CALN1: variants seen among roughly 807,000 people sequenced by gnomAD.
CALN1 encodes the protein calcium-binding protein 8.
Under a neutral mutation model 30.6 loss-of-function variants are expected in CALN1, and 17 were observed. The observed-to-expected ratio is 0.56, with a 90% CI of 0.38 to 0.83. The LOEUF (loss-of-function observed/expected upper bound fraction) is 0.83. CALN1 is among the 40% of genes least tolerant of loss of function. The probability of loss-of-function intolerance (pLI) is 0.00; values close to 1 mark genes in which losing one functional copy is unlikely to be tolerated. For synonymous variants in CALN1, 156 were observed against 131.4 expected (o/e 1.19, Z -1.28); for missense variants, 291 against 354.9 (o/e 0.82, Z 1.45).
intron 3 of CALN1, among the ~76,000 whole-genome samples, chr7:72,205,352 C>A (rs139491111): frequency 0.024 from 3,587 of 150,932 alleles, 144 homozygotes; most frequent in African/African-American, 0.082. Context: ...AGGCATGTAC[C>A]ACCACACCTG....
chr7:72,109,794 C>A (rs1454177427), intron 3 of CALN1, among the ~76,000 whole-genome samples: 1 of 152,192 alleles, frequency 6.6e-6, no homozygotes, highest in African/African-American at 2.4e-5. Flanking sequence ...TGAGAGTCAG[C>A]CCATGAGGCA....
intron 5 of CALN1, among the ~76,000 whole-genome samples, chr7:71,939,172 T>C (rs908880804): frequency 6.6e-6 from 1 of 152,118 alleles, no homozygotes; most frequent in African/African-American, 2.4e-5. Flanking sequence ...TTAGGAATAC[T>C]AGGTCATATC....
In CALN1 at chr7:72,354,332, C is replaced by T. The variant is rs112074530; in HGVS notation, c.119+48919G>A. Among the ~76,000 whole-genome samples, 744 of 152,262 alleles carry T rather than the reference C, an allele frequency of 4.9e-3. 3 individuals carry two copies. Among genetic ancestry groups the T allele is most frequent in the African/African-American group, 0.017 (704 of 41,536 alleles). Reference sequence around the variant, plus strand: ...GACCAAAAATAAATGGAGACCTATACCATGTTAATGGATTAGAGGTTTGAT... The same window carrying T: ...GACCAAAAATAAATGGAGACCTATATCATGTTAATGGATTAGAGGTTTGAT... On this transcript the variant is annotated intron_variant, in intron 2 of 6. Coordinates refer to ENST00000395275, the MANE Select transcript of CALN1 (RefSeq NM_031468.4).
chr7:71,825,185 C>G (rs547003082), intron 5 of CALN1, among the ~76,000 whole-genome samples: 2 of 152,260 alleles, frequency 1.3e-5, no homozygotes, highest in East Asian at 3.9e-4. Flanking sequence ...ACCAATGTAA[C>G]CAGAGAGACG....
intron 5 of CALN1, among the ~76,000 whole-genome samples, chr7:71,814,966 T>C (rs1327500699): frequency 6.6e-6 from 1 of 151,964 alleles, no homozygotes; most frequent in Non-Finnish European, 1.5e-5. Flanking sequence ...CCTGAGTGGC[T>C]GGGACTACAG....
intron 5 of CALN1, 90 bp from the exon 6 acceptor site, chr7:71,810,582 T>G: frequency 7.6e-7 from 1 of 1,310,276 alleles, no homozygotes; most frequent in Middle Eastern, 2.0e-4. Context: ...ACAGCTGCTC[T>G]GCAGAAACTT....
At chr7:72,121,243 T>C (rs1275603425) in intron 3 of CALN1, among the ~76,000 whole-genome samples, 3 of 141,528 alleles carry the variant, frequency 2.1e-5, no homozygotes, top group Non-Finnish European at 3.0e-5. Flanking sequence ...AATTAATATA[T>C]TATAATACAT....
chr7:71,836,178 G>T (rs1178350018), intron 5 of CALN1, among the ~76,000 whole-genome samples: 1 of 152,148 alleles, frequency 6.6e-6, no homozygotes, highest in Non-Finnish European at 1.5e-5. Flanking sequence ...GGATCAACCG[G>T]GTCTCCGCCT....
intron 5 of CALN1, among the ~76,000 whole-genome samples, chr7:71,812,929 C>CATCATCATTATTATT (rs1287091997): frequency 0.03 from 4,047 of 136,390 alleles, 63 homozygotes; most frequent in Middle Eastern, 0.045. Context: ...TCATCATCAT[C>CATCATCATTATTATT]ATTATTATTA....
intron 3 of CALN1, among the ~76,000 whole-genome samples, chr7:72,205,575 T>TACATATATATATATATAC (rs1196690990): frequency 8.4e-6 from 1 of 119,634 alleles, no homozygotes; most frequent in African/African-American, 4.2e-5. Flanking sequence ...TATGTATATA[T>TACATATATATATATATAC]ATATATATAT....
intron 4 of CALN1, among the ~76,000 whole-genome samples, chr7:72,064,897 TAAA>T (rs199896287): frequency 1.4e-5 from 2 of 146,588 alleles, no homozygotes; most frequent in African/African-American, 5.0e-5. Flanking sequence ...CTGATCTTTT[TAAA>T]AAAAAAAAAT....
chr7:71,973,661 C>T (rs1007324788), intron 5 of CALN1, among the ~76,000 whole-genome samples: 2 of 151,672 alleles, frequency 1.3e-5, no homozygotes, highest in Non-Finnish European at 2.9e-5. Context: ...ACTGTAAACC[C>T]TCATTAAGAA....
intron 2 of CALN1, among the ~76,000 whole-genome samples, chr7:72,328,778 C>T (rs931924221): frequency 2.0e-5 from 3 of 152,198 alleles, no homozygotes; most frequent in African/African-American, 7.2e-5. Context: ...TCACTGCAAC[C>T]TCCGCCTCCT....
intron 1 of CALN1, among the ~76,000 whole-genome samples, chr7:72,404,260 A>G (rs770458316): frequency 2.6e-5 from 4 of 152,198 alleles, no homozygotes; most frequent in Non-Finnish European, 5.9e-5. Context: ...CATTGTGTTG[A>G]GAAAAACCCC....
At chr7:72,271,575 A>AAAAAAAAAAAAAAAAATATATATATAT in intron 3 of CALN1, among the ~76,000 whole-genome samples, 14 of 52,116 alleles carry the variant, frequency 2.7e-4, no homozygotes, top group African/African-American at 2.7e-4. Context: ...AAAAAAAAAA[A>AAAAAAAAAAAAAAAAATATATATATAT]ATATATATAT....
chr7:71,807,665 C>A (rs1444463158), intron 6 of CALN1, among the ~76,000 whole-genome samples: 1 of 152,140 alleles, frequency 6.6e-6, no homozygotes, highest in East Asian at 1.9e-4. Context: ...AGTGCCTGGA[C>A]TAACAGGCTC....
At chr7:72,221,314 T>TC (rs1380177517) in intron 3 of CALN1, among the ~76,000 whole-genome samples, 2 of 61,326 alleles carry the variant, frequency 3.3e-5, no homozygotes, top group East Asian at 5.5e-4. Context: ...CTTGGCTTCT[T>TC]TTTTTTTTTT....
intron 2 of CALN1, among the ~76,000 whole-genome samples, chr7:72,381,739 T>A (rs1321895173): frequency 6.6e-6 from 1 of 152,056 alleles, no homozygotes; most frequent in Non-Finnish European, 1.5e-5. Flanking sequence ...TTAGGACAAA[T>A]ACCTAATGCA....
chr7:72,350,531 G>A (rs1173628906), intron 2 of CALN1, among the ~76,000 whole-genome samples: 1 of 152,172 alleles, frequency 6.6e-6, no homozygotes, highest in South Asian at 2.1e-4. Context: ...ATGCAGAACA[G>A]AAAACCAAAT....
Sources: allele counts gnomAD v4.1 joint callset (sites outside exome capture counted in the v4.1 genomes callset), GRCh38; gene constraint gnomAD v4.1.1; transcripts MANE v1.5; gene names NCBI Gene and HGNC (gene_info 2026-07-23, HGNC 2026-07-21).